Variants in IAPP observed in about 807,000 individuals in gnomAD.
IAPP encodes the protein islet amyloid polypeptide, also known as Islet amyloid polypeptide (diabetes-associated peptide; amylin).
IAPP carries 4 observed loss-of-function variants against 2.9 expected under a neutral mutation model. The observed-to-expected ratio is 1.39, with a 90% CI of 0.69 to 3.19. The LOEUF is 3.19. Ranked by LOEUF, IAPP falls within the 30% of genes most tolerant of loss-of-function variation. IAPP has a pLI of 0.01. For synonymous variants in IAPP, 40 were observed against 42.1 expected, an observed-to-expected ratio of 0.95 and a Z score of 0.19; for missense variants, 114 against 105.3, an observed-to-expected ratio of 1.08 and a Z score of -0.36.
At chr12:21,376,304 C>T in intron 2 of IAPP, 1 of 347,130 alleles carries the variant, frequency 2.9e-6, no homozygotes, top group South Asian at 2.2e-5. Context: ...CATAATTTTC[C>T]TTTATTACTT....
intron 1 of IAPP, among the ~76,000 whole-genome samples, chr12:21,365,938 T>C (rs892861369): frequency 1.3e-5 from 2 of 152,206 alleles, no homozygotes; most frequent in Non-Finnish European, 2.9e-5. Context: ...GGAACACTTT[T>C]ACACTGTTGG....
upstream of IAPP, among the ~76,000 whole-genome samples, chr12:21,371,965 G>A (rs1295387733): frequency 1.3e-5 from 2 of 151,264 alleles, no homozygotes; most frequent in Non-Finnish European, 2.9e-5. Flanking sequence ...TCGCACCCTT[G>A]TACTCCAGCC....
upstream of IAPP, among the ~76,000 whole-genome samples, chr12:21,371,489 G>C (rs376941563): frequency 6.6e-6 from 1 of 152,014 alleles, no homozygotes; most frequent in South Asian, 2.1e-4. Context: ...TTCTAAACAA[G>C]TTTCTTTCCT....
rs1221242710 is a variant in IAPP at position 21,378,713 on chromosome 12, G to A, written c.*287G>A. ...TCAGTGGCACAGGTTTAAGAACGAA[G>A]GAGAAAAAGGTAGTTTGAACCTTGG... On this transcript the variant is annotated 3_prime_UTR_variant, in exon 3 of 3. Coordinates refer to ENST00000240652, the MANE Select transcript of IAPP (RefSeq NM_000415.3). 6.8e-6 allele frequency: 2 copies of A among 293,180 alleles called. No individual in the cohort carries two copies. The highest frequency in any genetic ancestry group is 6.4e-6 in the Non-Finnish European group (1 of 156,034). 18.2% of individuals were successfully genotyped at this position (293,180 alleles called of 1,614,324 possible).
At chr12:21,366,744 G>C (rs1355749644) in intron 1 of IAPP, among the ~76,000 whole-genome samples, 1 of 151,910 alleles carries the variant, frequency 6.6e-6, no homozygotes, top group East Asian at 1.9e-4. Context: ...AGAAGATTCA[G>C]AAAGCAAGAT....
upstream of IAPP, among the ~76,000 whole-genome samples, chr12:21,370,301 A>G (rs1353695587): frequency 2.0e-5 from 3 of 152,014 alleles, no homozygotes; most frequent in Non-Finnish European, 4.4e-5. Flanking sequence ...GACATATGAT[A>G]GTCCTTATAA....
intron 1 of IAPP, among the ~76,000 whole-genome samples, chr12:21,356,909 G>C (rs559238653): frequency 6.6e-6 from 1 of 151,884 alleles, no homozygotes; most frequent in African/African-American, 2.4e-5. Context: ...TCCAGTGCTC[G>C]TGGAAACTTT....
intron 1 of IAPP, among the ~76,000 whole-genome samples, chr12:21,365,188 C>A (rs138838062): frequency 6.6e-6 from 1 of 152,074 alleles, no homozygotes; most frequent in Non-Finnish European, 1.5e-5. Context: ...GGTACTGGTA[C>A]CAAAACAGAG....
chr12:21,362,425 G>C (rs1242795815), intron 1 of IAPP, among the ~76,000 whole-genome samples: 1 of 152,136 alleles, frequency 6.6e-6, no homozygotes, highest in Non-Finnish European at 1.5e-5. Flanking sequence ...GGAACAACCG[G>C]TACGAGCCAC....
upstream of IAPP, among the ~76,000 whole-genome samples, chr12:21,368,028 C>T (rs941295017): frequency 9.9e-5 from 15 of 152,036 alleles, no homozygotes; most frequent in African/African-American, 3.6e-4. Context: ...GGATTTCAGG[C>T]AATTATCAGC....
At chr12:21,359,827 C>G (rs1181841571) in intron 1 of IAPP, among the ~76,000 whole-genome samples, 2 of 151,902 alleles carry the variant, frequency 1.3e-5, no homozygotes, top group African/African-American at 4.8e-5. Context: ...TGTGTCAACA[C>G]AAAGACTTGT....
At chr12:21,358,668 C>T (rs946464079) in intron 1 of IAPP, among the ~76,000 whole-genome samples, 1 of 151,476 alleles carries the variant, frequency 6.6e-6, no homozygotes, top group Non-Finnish European at 1.5e-5. Context: ...TAAAAATTAA[C>T]TTTGAAACAT....
chr12:21,375,061 T>G (rs1217348935), intron 2 of IAPP, among the ~76,000 whole-genome samples: 2 of 152,154 alleles, frequency 1.3e-5, no homozygotes, highest in Admixed American at 1.3e-4. Flanking sequence ...CAAGCCTTCC[T>G]CCTGCCTCAG....
chr12:21,355,135 A>G (rs1362663773), intron 1 of IAPP: 1 of 152,176 alleles, frequency 6.6e-6, no homozygotes, highest in Non-Finnish European at 1.5e-5. Flanking sequence ...CATGTATATT[A>G]TTTTATTATA....
intron 1 of IAPP, among the ~76,000 whole-genome samples, chr12:21,359,742 G>A (rs1294401434): frequency 7.3e-4 from 96 of 130,824 alleles, no homozygotes; most frequent in Non-Finnish European, 1.2e-3. Flanking sequence ...GCGAGACTCC[G>A]TCTTAAAAAA....
At chr12:21,366,492 T>C (rs528219387) in intron 1 of IAPP, among the ~76,000 whole-genome samples, 2 of 152,280 alleles carry the variant, frequency 1.3e-5, no homozygotes, top group African/African-American at 4.8e-5. Context: ...CACGTATTCC[T>C]ATGTAACAAA....
intron 1 of IAPP, among the ~76,000 whole-genome samples, chr12:21,358,344 G>A (rs1031822711): frequency 2.6e-5 from 4 of 152,046 alleles, no homozygotes; most frequent in African/African-American, 9.7e-5. Flanking sequence ...AGTATTGTTT[G>A]ATACCAACCA....
chr12:21,373,474 G>A, intron 2 of IAPP, 43 bp downstream of exon 2: 2 of 1,362,910 alleles, frequency 1.5e-6, no homozygotes, highest in Non-Finnish European at 2.1e-6. Context: ...CTTTTGTAAA[G>A]TGTGAGAAAA....
intron 2 of IAPP, 60 bp downstream of exon 2, chr12:21,373,491 T>A: frequency 9.1e-7 from 1 of 1,102,146 alleles, no homozygotes; most frequent in Admixed American, 1.7e-5. Context: ...AAAATTAGAA[T>A]TAAATACTGT....
Sources: allele counts gnomAD v4.1 joint callset (sites outside exome capture counted in the v4.1 genomes callset), GRCh38; gene constraint gnomAD v4.1.1; transcripts MANE v1.5; gene names NCBI Gene and HGNC (gene_info 2026-07-23, HGNC 2026-07-21).